UBE2H: variants seen among roughly 807,000 people sequenced by gnomAD.
The protein encoded by UBE2H is ubiquitin-conjugating enzyme E2 H.
UBE2H carries 3 observed loss-of-function variants against 29.0 expected under a neutral mutation model. The ratio of observed to expected loss-of-function variants is 0.10; its 90% CI spans 0.05 to 0.27. The LOEUF is 0.27. Among genes scored for constraint, UBE2H ranks in the 10% least tolerant of loss-of-function variants. The probability of loss-of-function intolerance (pLI) is 1.00; values close to 1 mark genes in which losing one functional copy is unlikely to be tolerated. For synonymous variants in UBE2H, 69 were observed against 82.9 expected (o/e 0.83, Z 0.91); for missense variants, 68 against 228.2 (o/e 0.30, Z 4.52).
At chr7:129,901,041 G>A (rs1448026925) in intron 1 of UBE2H, among the ~76,000 whole-genome samples, 1 of 152,106 alleles carries the variant, frequency 6.6e-6, no homozygotes, top group Non-Finnish European at 1.5e-5. Context: ...GTGACTCACC[G>A]TACCAGGTGT....
At chr7:129,935,944 A>C (rs1008671006) in intron 1 of UBE2H, among the ~76,000 whole-genome samples, 5 of 152,222 alleles carry the variant, frequency 3.3e-5, no homozygotes, top group Non-Finnish European at 5.9e-5. Context: ...TATTTAAGGC[A>C]ACAAATGCTA....
intron 3 of UBE2H, among the ~76,000 whole-genome samples, chr7:129,873,681 G>C (rs1355646235): frequency 6.6e-6 from 1 of 151,440 alleles, no homozygotes; most frequent in African/African-American, 2.4e-5. Context: ...CCAGTGATGT[G>C]CCCACTTCGG....
At chr7:129,936,055 T>G (rs1807521629) in intron 1 of UBE2H, among the ~76,000 whole-genome samples, 1 of 152,170 alleles carries the variant, frequency 6.6e-6, no homozygotes, top group Non-Finnish European at 1.5e-5. Context: ...CAGTCCAGGT[T>G]TTCTCGAAGT....
chr7:129,940,488 CAA>C (rs1254581868), intron 1 of UBE2H, among the ~76,000 whole-genome samples: 2 of 152,320 alleles, frequency 1.3e-5, no homozygotes, highest in East Asian at 3.9e-4. Flanking sequence ...CAGAGAATGG[CAA>C]AGTCCAGCCA....
At chr7:129,885,490 T>C (rs1010730653) in intron 1 of UBE2H, among the ~76,000 whole-genome samples, 2 of 151,364 alleles carry the variant, frequency 1.3e-5, no homozygotes, top group Non-Finnish European at 2.9e-5. Flanking sequence ...AAAACGAGGT[T>C]CCTTCCATTT....
intron 5 of UBE2H, among the ~76,000 whole-genome samples, chr7:129,841,163 G>GCAGGCCAAGC (rs1237521706): frequency 6.6e-6 from 1 of 152,202 alleles, no homozygotes; most frequent in Non-Finnish European, 1.5e-5. Context: ...TTTAGGCTTT[G>GCAGGCCAAGC]CAGGCCACAT....
At chr7:129,885,006 G>A (rs533420932) in intron 1 of UBE2H, among the ~76,000 whole-genome samples, 1 of 152,004 alleles carries the variant, frequency 6.6e-6, no homozygotes, top group African/African-American at 2.4e-5. Flanking sequence ...GTTTGAGGCT[G>A]CAGTGAGCTA....
At chr7:129,902,609 C>T (rs1269975700) in intron 1 of UBE2H, among the ~76,000 whole-genome samples, 1 of 152,188 alleles carries the variant, frequency 6.6e-6, no homozygotes, top group East Asian at 1.9e-4. Flanking sequence ...CCCCCATTTC[C>T]TAGGAAGTAG....
intron 1 of UBE2H, among the ~76,000 whole-genome samples, chr7:129,918,904 G>A (rs1373095240): frequency 2.0e-5 from 3 of 151,940 alleles, no homozygotes; most frequent in Non-Finnish European, 4.4e-5. Flanking sequence ...GCAACATGGT[G>A]AAACCCCATC....
chr7:129,952,876 A>C lies in UBE2H; in HGVS notation c.-321T>G, dbSNP rs1049919613. The C allele has an allele frequency of 9.5e-6, 2 of 210,904 alleles. No individual in the cohort carries two copies. 13.1% of individuals were successfully genotyped at this position (210,904 alleles called of 1,614,324 possible). Reference sequence around the variant, plus strand: ...GCTGTGGCTCGCTCGCCTGCTCCCCACTCACCCTCTGACCGGCTCCTAGCA... The same window carrying C: ...GCTGTGGCTCGCTCGCCTGCTCCCCCCTCACCCTCTGACCGGCTCCTAGCA... On this transcript the variant is annotated 5_prime_UTR_variant, in exon 1 of 7. Coordinates refer to ENST00000355621, the MANE Select transcript of UBE2H (RefSeq NM_003344.4).
chr7:129,928,047 AT>A (rs1175126242), intron 1 of UBE2H, among the ~76,000 whole-genome samples: 65 of 125,600 alleles, frequency 5.2e-4, no homozygotes, highest in Non-Finnish European at 1.0e-3. Flanking sequence ...AAAAAAAAAA[AT>A]TTGGCTGGGC....
chr7:129,855,881 A>G (rs1030900512), intron 5 of UBE2H, among the ~76,000 whole-genome samples: 3 of 152,190 alleles, frequency 2.0e-5, no homozygotes, highest in Non-Finnish European at 4.4e-5. Context: ...TGGGCAACAG[A>G]GTGCAACTCT....
intron 1 of UBE2H, among the ~76,000 whole-genome samples, chr7:129,910,297 C>T (rs898997454): frequency 2.0e-5 from 3 of 151,582 alleles, no homozygotes; most frequent in African/African-American, 7.3e-5. Context: ...CCACTGCACT[C>T]CAGCCTGGAC....
intron 1 of UBE2H, among the ~76,000 whole-genome samples, chr7:129,910,072 T>A (rs1806900814): frequency 6.6e-6 from 1 of 152,154 alleles, no homozygotes; most frequent in African/African-American, 2.4e-5. Context: ...GGCTCGCCTA[T>A]AATCCCAGCA....
chr7:129,878,408 G>C (rs1301680984), intron 3 of UBE2H, among the ~76,000 whole-genome samples: 1 of 151,622 alleles, frequency 6.6e-6, no homozygotes. Flanking sequence ...CAGCAGCCAG[G>C]CGCAATGGCT....
chr7:129,908,664 A>G (rs1001513200), intron 1 of UBE2H, among the ~76,000 whole-genome samples: 4 of 152,238 alleles, frequency 2.6e-5, no homozygotes, highest in Admixed American at 1.3e-4. Context: ...GCATAGGTTC[A>G]ATCTAAAAAC....
chr7:129,944,313 G>A (rs142815048), intron 1 of UBE2H, among the ~76,000 whole-genome samples: 134 of 152,090 alleles, frequency 8.8e-4, no homozygotes, highest in African/African-American at 3.0e-3. Flanking sequence ...CCGAGATCGC[G>A]CCACTACACT....
Position 129,950,283 on chromosome 7 carries a change from C to G in UBE2H, c.53+2220G>C, listed in dbSNP as rs984212393. Among the ~76,000 whole-genome samples the G allele has an allele frequency of 8.5e-5, 13 of 152,300 alleles. No homozygotes were observed. The South Asian group carries it at 1.2e-3, about 15-fold the overall frequency. ...TCAGATCTACAATTTTAAAGCGCCTCTGCTTTCTTTTGTCAGAAAGGAAGG... is the reference window on the plus strand; with the variant it reads ...TCAGATCTACAATTTTAAAGCGCCTGTGCTTTCTTTTGTCAGAAAGGAAGG... On this transcript the variant is annotated intron_variant, in intron 1 of 6. Transcript: ENST00000355621.
At chr7:129,925,376 T>C (rs1213953929) in intron 1 of UBE2H, among the ~76,000 whole-genome samples, 1 of 151,358 alleles carries the variant, frequency 6.6e-6, no homozygotes, top group Non-Finnish European at 1.5e-5. Flanking sequence ...TAAACAAAAA[T>C]TCACGGTGTT....
Sources: allele counts gnomAD v4.1 joint callset (sites outside exome capture counted in the v4.1 genomes callset), GRCh38; gene constraint gnomAD v4.1.1; transcripts MANE v1.5; gene names NCBI Gene and HGNC (gene_info 2026-07-23, HGNC 2026-07-21).